Variants in B4GALNT2 observed in about 807,000 individuals in gnomAD.
B4GALNT2 encodes beta-1,4-N-acetyl-galactosaminyltransferase 2 (SID blood group).
A neutral mutation model predicts 51.1 loss-of-function variants in B4GALNT2; 42 were observed. The ratio of observed to expected loss-of-function variants is 0.82; its 90% CI spans 0.64 to 1.06. B4GALNT2 has a LOEUF of 1.06. Among genes scored for constraint, B4GALNT2 ranks in the 50% least tolerant of loss-of-function variants. The pLI is 0.00. For missense variants in B4GALNT2, 602 were observed against 633.6 expected (o/e 0.95, Z 0.54); for synonymous variants, 253 against 251.7 (o/e 1.01, Z -0.05).
intron 1 of B4GALNT2, among the ~76,000 whole-genome samples, chr17:49,138,930 T>C (rs553545405): frequency 1.3e-5 from 2 of 152,200 alleles, no homozygotes; most frequent in East Asian, 1.9e-4. Context: ...AAACTTCTCT[T>C]GTTATGCTGT....
chr17:49,147,557 G>T (rs1447123197), intron 3 of B4GALNT2, among the ~76,000 whole-genome samples: 1 of 151,176 alleles, frequency 6.6e-6, no homozygotes, highest in Non-Finnish European at 1.5e-5. Flanking sequence ...GTGTTTTTTT[G>T]TAGATATGGG....
rs1339778203 is a variant in B4GALNT2, at chr17:49,176,678, C to T, written c.*6950C>T. ...GCCAGTTTATGGCCAGATTTGGGGG[C>T]CTGTTCCCAACAGCAGATTCTATGA... On this transcript the variant is annotated 3_prime_UTR_variant, in exon 11 of 11. Transcript: ENST00000393354. 1 of 152,184 alleles carries T rather than the reference C, an allele frequency of 6.6e-6. No homozygotes were observed. The highest frequency in any genetic ancestry group is 1.5e-5 in the Non-Finnish European group (1 of 68,064). The allele number at this position is 152,184 out of a possible 1,614,324, so 9.4% of individuals were successfully genotyped here. A position where few individuals can be genotyped will look rare whatever the true frequency, so the allele number is the denominator to read the frequency against.
intron 4 of B4GALNT2, among the ~76,000 whole-genome samples, chr17:49,153,521 T>TA (rs58880797): frequency 1.3e-5 from 2 of 151,856 alleles, no homozygotes; most frequent in Non-Finnish European, 2.9e-5. Context: ...TTTTTTTTTT[T>TA]ATTGCGACGG....
chr17:49,171,034 C>A lies in B4GALNT2; in HGVS notation c.*1306C>A, dbSNP rs1010158684. On this transcript the variant is annotated 3_prime_UTR_variant, in exon 11 of 11. Coordinates refer to ENST00000393354, the MANE Select transcript of B4GALNT2 (RefSeq NM_001159387.2). Reference sequence around the variant, plus strand: ...TGTTCCTTGCCCTTATTCTGATAAACCCACAACCTTCAGTTTGGGCATCAT... The same window carrying A: ...TGTTCCTTGCCCTTATTCTGATAAAACCACAACCTTCAGTTTGGGCATCAT... 2.5e-5 allele frequency: 4 copies of A among 162,866 alleles called. No homozygotes were observed. Among genetic ancestry groups the A allele is most frequent in the African/African-American group, 9.6e-5 (4 of 41,492 alleles). 10.1% of individuals were successfully genotyped at this position (162,866 alleles called of 1,614,324 possible).
At position 49,176,653 on chromosome 17, in the gene B4GALNT2, G is replaced by T. The variant is rs770210773; in HGVS notation, c.*6925G>T. On this transcript the variant is annotated 3_prime_UTR_variant, in exon 11 of 11. Coordinates refer to ENST00000393354, the MANE Select transcript of B4GALNT2 (RefSeq NM_001159387.2). ...CAGTGCTGCAGAGATTTTATTTATG[G>T]CCAGTTTATGGCCAGATTTGGGGGC... 16 of 152,132 alleles carry T rather than the reference G, an allele frequency of 1.1e-4. No individual in the cohort carries two copies. Among genetic ancestry groups the T allele is most frequent in the Non-Finnish European group, 1.9e-4 (13 of 68,048 alleles). The allele number at this position is 152,132 out of a possible 1,614,324, so 9.4% of individuals were successfully genotyped here.
upstream of B4GALNT2, among the ~76,000 whole-genome samples, chr17:49,128,144 TGA>T: frequency 6.6e-6 from 1 of 152,008 alleles, no homozygotes; most frequent in East Asian, 1.9e-4. Flanking sequence ...CCTGCGGTAA[TGA>T]GAGGGATTTT....
chr17:49,132,801 G>A lies in B4GALNT2; in HGVS notation c.9G>A (p.Ser3=). 7.3e-7 allele frequency: 1 copy of A among 1,377,146 alleles called. No homozygotes were observed. The highest frequency in any genetic ancestry group is 9.4e-7 in the Non-Finnish European group (1 of 1,063,772). 85.3% of individuals were successfully genotyped at this position (1,377,146 alleles called of 1,614,324 possible). Residue 3 remains serine, a synonymous_variant, in exon 1 of 11, where the codon TCG becomes TCA. Transcript: ENST00000393354. ...GGGCGGCGGGATTCGGGATGACTTC[G>A]GGCGGGTGAGTGTCCCCGGGGCAGA... MT[S]GGSRFLWLLK... is the part of the protein sequence containing the mutation.
Position 49,133,280 on chromosome 17 carries a change from T to C in B4GALNT2, c.14+474T>C, listed in dbSNP as rs2042558146. On this transcript the variant is annotated intron_variant, in intron 1 of 10. Transcript: ENST00000393354. ...TGGACAGTCGGGGAGCCCGGCGGCT[T>C]GGTCTCCTCCACAGTCCGCGCGGAG... 2.8e-6 allele frequency: 4 copies of C among 1,434,362 alleles called. No individual in the cohort carries two copies. The South Asian group carries it at 5.9e-5, about 21-fold the overall frequency. 88.9% of individuals were successfully genotyped at this position (1,434,362 alleles called of 1,614,324 possible). A position where few individuals can be genotyped will look rare whatever the true frequency, so the allele number is the denominator to read the frequency against.
intron 6 of B4GALNT2, 79 bp downstream of exon 6, chr17:49,159,296 C>T: frequency 7.1e-7 from 1 of 1,400,506 alleles, no homozygotes. Context: ...CTTCCTCCTT[C>T]AGGAAGCCTT....
rs1161429904 is a variant in B4GALNT2, at chr17:49,173,765, C to T, written c.*4037C>T. The T allele has an allele frequency of 6.6e-6, 1 of 152,198 alleles. No individual in the cohort carries two copies. Among genetic ancestry groups the T allele is most frequent in the Non-Finnish European group, 1.5e-5 (1 of 68,040 alleles). 9.4% of individuals were successfully genotyped at this position (152,198 alleles called of 1,614,324 possible). The stretch of plus-strand genomic sequence containing the variant: ...TTAGTATGTGGAAGAAAAAGCCGCT[C>T]TACAAGATCTTGCTCTTGAACAATA... On this transcript the variant is annotated 3_prime_UTR_variant, in exon 11 of 11. Transcript: ENST00000393354.
chr17:49,173,337 C>G lies in B4GALNT2; in HGVS notation c.*3609C>G, dbSNP rs959373915. 1 of 152,192 alleles carries G rather than the reference C, an allele frequency of 6.6e-6. No individual in the cohort carries two copies. Among genetic ancestry groups the G allele is most frequent in the Non-Finnish European group, 1.5e-5 (1 of 68,050 alleles). The allele number at this position is 152,192 out of a possible 1,614,324, so 9.4% of individuals were successfully genotyped here. A position where few individuals can be genotyped will look rare whatever the true frequency, so the allele number is the denominator to read the frequency against. ...GGCCTATTAAAAGCAGTCAATACCTCAATTACAGCTATAAGCTCTGCTTTT... is the reference window on the plus strand; with the variant it reads ...GGCCTATTAAAAGCAGTCAATACCTGAATTACAGCTATAAGCTCTGCTTTT... On this transcript the variant is annotated 3_prime_UTR_variant, in exon 11 of 11. Coordinates refer to ENST00000393354, the MANE Select transcript of B4GALNT2 (RefSeq NM_001159387.2).
intron 1 of B4GALNT2, among the ~76,000 whole-genome samples, chr17:49,133,687 C>T (rs1028714139): frequency 2.0e-5 from 3 of 151,794 alleles, no homozygotes; most frequent in Admixed American, 1.3e-4. Context: ...CCGAGGTGGG[C>T]GGATCACTTG....
At chr17:49,125,003 T>A in the B4GALNT2 span, among the ~76,000 whole-genome samples, 9 of 152,332 alleles carry the variant, frequency 5.9e-5, no homozygotes, top group African/African-American at 2.2e-4. Flanking sequence ...TCTTTAACCT[T>A]TTAATCTAGG....
chr17:49,159,334 G>GTTCGT, intron 6 of B4GALNT2, 117 bp downstream of exon 6: 2 of 979,242 alleles, frequency 2.0e-6, no homozygotes, highest in Non-Finnish European at 1.5e-6. Context: ...GTGTGTGTTT[G>GTTCGT]TTTGTTTTGT....
intron 3 of B4GALNT2, among the ~76,000 whole-genome samples, chr17:49,152,072 T>C (rs2042762602): frequency 1.3e-5 from 2 of 152,206 alleles, no homozygotes; most frequent in East Asian, 3.9e-4. Context: ...TCATGGTTTT[T>C]TTTAAAAAAA....
intron 1 of B4GALNT2, among the ~76,000 whole-genome samples, chr17:49,136,217 T>G (rs1239609222): frequency 2.0e-5 from 3 of 151,990 alleles, no homozygotes; most frequent in Non-Finnish European, 2.9e-5. Context: ...AGAAGGTATC[T>G]CAATCTATTC....
intron 1 of B4GALNT2, among the ~76,000 whole-genome samples, chr17:49,140,362 A>C (rs1254676259): frequency 6.6e-6 from 1 of 152,164 alleles, no homozygotes; most frequent in African/African-American, 2.4e-5. Flanking sequence ...GGCCTCCCGA[A>C]GTGCTGGGAT....
chr17:49,132,609 C>G, upstream of B4GALNT2: 1 of 569,564 alleles, frequency 1.8e-6, no homozygotes, highest in Non-Finnish European at 2.7e-6. Flanking sequence ...GGAGAAAAGT[C>G]CAGGGTAGAG....
chr17:49,152,824 C>T lies in B4GALNT2; in HGVS notation c.378C>T (p.Pro126=). Residue 126 remains proline (P), a synonymous_variant, in exon 4 of 11, where the codon CCC becomes CCT. Coordinates refer to ENST00000393354, the MANE Select transcript of B4GALNT2 (RefSeq NM_001159387.2). The part of the protein sequence containing the change: ...QRREGLPRPL[P]LLVQPNLPFG... ...GAGAAGGGCTGCCCCGCCCACTGCCCCTGCTGGTCCAGCCCAACCTCCCCT... is the reference window on the plus strand; with the variant it reads ...GAGAAGGGCTGCCCCGCCCACTGCCTCTGCTGGTCCAGCCCAACCTCCCCT... 2 of 1,608,206 alleles carry T rather than the reference C, an allele frequency of 1.2e-6. No homozygotes were observed. Among genetic ancestry groups the T allele is most frequent in the South Asian group, 2.2e-5 (2 of 89,808 alleles).
Sources: allele counts gnomAD v4.1 joint callset (sites outside exome capture counted in the v4.1 genomes callset), GRCh38; gene constraint gnomAD v4.1.1; transcripts MANE v1.5; gene names NCBI Gene and HGNC (gene_info 2026-07-23, HGNC 2026-07-21).